CELF2: variants seen among roughly 807,000 people sequenced by gnomAD.
The protein encoded by CELF2 is CUG triplet repeat RNA-binding protein 2.
CELF2 carries 8 observed loss-of-function variants against 62.6 expected under a neutral mutation model. That is an observed-to-expected ratio of 0.13 (90% CI 0.07 to 0.23). CELF2 has a LOEUF of 0.23. Ranked by LOEUF, CELF2 falls within the 10% of genes least tolerant of loss-of-function variation. CELF2 has a pLI of 1.00. For missense variants in CELF2, 333 were observed against 671.0 expected (o/e 0.50, Z 5.56); for synonymous variants, 258 against 250.0 (o/e 1.03, Z -0.30).
At chr10:10,823,251 T>G (rs1198174383) in intron 1 of CELF2, among the ~76,000 whole-genome samples, 2 of 152,192 alleles carry the variant, frequency 1.3e-5, no homozygotes, top group Non-Finnish European at 2.9e-5. Flanking sequence ...TCATAGTGAG[T>G]CTGTAGTTGA....
Position 11,331,383 on chromosome 10 carries a change from G to GGCTTGTGAAGCATTGATGTCAT in CELF2, c.*2331_*2352dup, listed in dbSNP as rs2096015613. ...CCTATTCCAGAATAAGTTTTGTGTT[G>GGCTTGTGAAGCATTGATGTCAT]GCTTGTGAAGCATTGATGTCATTTT... On this transcript the variant is annotated 3_prime_UTR_variant, in exon 13 of 13. Coordinates refer to ENST00000633077, the MANE Select transcript of CELF2 (RefSeq NM_001326342.2). 1 of 148,214 alleles carries GGCTTGTGAAGCATTGATGTCAT rather than the reference G, an allele frequency of 6.7e-6. No homozygotes were observed. The highest frequency in any genetic ancestry group is 2.5e-5 in the African/African-American group (1 of 40,388). 9.2% of individuals were successfully genotyped at this position (148,214 alleles called of 1,614,324 possible). A position where few individuals can be genotyped will look rare whatever the true frequency, so the allele number is the denominator to read the frequency against.
In CELF2 at chr10:11,235,844, G is replaced by GA. The variant is rs1168088566; in HGVS notation, c.355-13302dup. Among the ~76,000 whole-genome samples, 3 of 152,010 alleles carry GA rather than the reference G, an allele frequency of 2.0e-5. 1 individual carries two copies. Among genetic ancestry groups the GA allele is most frequent in the South Asian group, 4.2e-4 (2 of 4,818 alleles). Reference sequence around the variant, plus strand: ...GGGGACAGCCTTGTTTGTTTAAAAGGAAAAAAACAGATATTTAATCATTTT... The same window carrying GA: ...GGGGACAGCCTTGTTTGTTTAAAAGGAAAAAAAACAGATATTTAATCATTTT... On this transcript the variant is annotated intron_variant, in intron 3 of 12. Coordinates refer to ENST00000633077, the MANE Select transcript of CELF2 (RefSeq NM_001326342.2).
chr10:10,779,141 C>G, the CELF2 span, among the ~76,000 whole-genome samples: 1 of 152,216 alleles, frequency 6.6e-6, no homozygotes, highest in Admixed American at 6.5e-5. Context: ...CTCTCCATGA[C>G]TAACATTTGC....
intron 7 of CELF2, among the ~76,000 whole-genome samples, chr10:11,272,688 T>C (rs906654269): frequency 6.6e-6 from 1 of 152,222 alleles, no homozygotes; most frequent in African/African-American, 2.4e-5. Context: ...CCATGGGTGA[T>C]TCTTTCTTGG....
At chr10:10,590,169 A>G in the CELF2 span, among the ~76,000 whole-genome samples, 1 of 152,206 alleles carries the variant, frequency 6.6e-6, no homozygotes, top group Non-Finnish European at 1.5e-5. Flanking sequence ...ATGCACACAC[A>G]CACACACACA....
intron 9 of CELF2, among the ~76,000 whole-genome samples, chr10:11,303,328 A>G (rs143617829): frequency 1.2e-3 from 179 of 152,264 alleles, no homozygotes; most frequent in African/African-American, 4.2e-3. Context: ...TCTCAAAACT[A>G]TACACACAGA....
intron 5 of CELF2, among the ~76,000 whole-genome samples, chr10:11,261,225 G>T (rs1403728559): frequency 1.3e-5 from 2 of 152,154 alleles, no homozygotes. Context: ...AACTAGTCTA[G>T]CTGGCTCCTG....
intron 1 of CELF2, among the ~76,000 whole-genome samples, chr10:11,023,647 G>C (rs558111077): frequency 6.6e-6 from 1 of 152,308 alleles, no homozygotes; most frequent in South Asian, 2.1e-4. Flanking sequence ...GACATTGAGG[G>C]AGATTTTGAA....
chr10:10,796,759 C>A, upstream of CELF2: 1 of 301,528 alleles, frequency 3.3e-6, no homozygotes, highest in Non-Finnish European at 4.9e-6. Flanking sequence ...CTATTATTAT[C>A]ACCCACATTT....
chr10:11,274,456 G>A (rs1422179441), intron 7 of CELF2, among the ~76,000 whole-genome samples: 3 of 152,234 alleles, frequency 2.0e-5, no homozygotes, highest in African/African-American at 7.2e-5. Flanking sequence ...TGACTTCGAT[G>A]TACATAGCAC....
At chr10:11,233,594 A>G (rs1234928986) in intron 3 of CELF2, among the ~76,000 whole-genome samples, 2 of 152,226 alleles carry the variant, frequency 1.3e-5, no homozygotes, top group Non-Finnish European at 2.9e-5. Context: ...TAAAATTACT[A>G]TTAACCAGGT....
chr10:10,589,574 G>A, the CELF2 span, among the ~76,000 whole-genome samples: 1 of 152,112 alleles, frequency 6.6e-6, no homozygotes, highest in Non-Finnish European at 1.5e-5. Context: ...GCTGTGGCTG[G>A]TGCTGTTAAC....
At chr10:11,160,799 T>G (rs913178703) in intron 1 of CELF2, among the ~76,000 whole-genome samples, 1 of 152,244 alleles carries the variant, frequency 6.6e-6, no homozygotes, top group Admixed American at 6.5e-5. Flanking sequence ...TTTTATGTCT[T>G]TTAGCATTCG....
chr10:10,908,844 G>A (rs1389232103), intron 1 of CELF2, among the ~76,000 whole-genome samples: 2 of 152,178 alleles, frequency 1.3e-5, no homozygotes, highest in African/African-American at 4.8e-5. Context: ...CTAGAGTGCA[G>A]TGGCGCCATC....
intron 1 of CELF2, among the ~76,000 whole-genome samples, chr10:10,869,568 G>GGA (rs2060604245): frequency 6.6e-6 from 1 of 150,458 alleles, no homozygotes; most frequent in Admixed American, 6.6e-5. Flanking sequence ...TCATCTGGGG[G>GGA]AAAAAAAAAT....
At chr10:11,021,061 C>T (rs543122071) in intron 1 of CELF2, among the ~76,000 whole-genome samples, 53 of 152,206 alleles carry the variant, frequency 3.5e-4, no homozygotes, top group Non-Finnish European at 1.5e-5. Context: ...AGTTGATTTT[C>T]AATTAAGATG....
chr10:10,798,556 T>C (rs904534927), upstream of CELF2: 2 of 392,084 alleles, frequency 5.1e-6, no homozygotes, highest in Non-Finnish European at 9.0e-6. Context: ...TAAAAGGTGG[T>C]GTGGAGCTGG....
At chr10:11,172,831 T>C (rs1388161348) in intron 2 of CELF2, among the ~76,000 whole-genome samples, 3 of 152,252 alleles carry the variant, frequency 2.0e-5, no homozygotes, top group Non-Finnish European at 4.4e-5. Context: ...TAGTCCCCAG[T>C]CGTCTTTTCC....
At chr10:11,019,107 T>G (rs1314080864) in intron 1 of CELF2, among the ~76,000 whole-genome samples, 2 of 152,234 alleles carry the variant, frequency 1.3e-5, no homozygotes, top group African/African-American at 4.8e-5. Flanking sequence ...AAAGTATGTC[T>G]AATTTTTAGC....
Sources: allele counts gnomAD v4.1 joint callset (sites outside exome capture counted in the v4.1 genomes callset), GRCh38; gene constraint gnomAD v4.1.1; transcripts MANE v1.5; gene names NCBI Gene and HGNC (gene_info 2026-07-23, HGNC 2026-07-21).